The following LRP2 variants were observed in gnomAD, a reference collection of about 807,000 sequenced individuals.
LRP2 encodes the protein low-density lipoprotein receptor-related protein 2.
In LRP2, 172 loss-of-function variants were observed where a neutral mutation model predicts 531.0. That is an observed-to-expected ratio of 0.32 (90% CI 0.29 to 0.37). LRP2 has a LOEUF of 0.37. LRP2 is among the 10% of genes least tolerant of loss of function. LRP2 has a pLI of 1.00. For missense variants in LRP2, 5,167 were observed against 5,868.3 expected, an observed-to-expected ratio of 0.88 and a Z score of 3.90; for synonymous variants, 1,992 against 2,027.6, an observed-to-expected ratio of 0.98 and a Z score of 0.47.
At chr2:169,182,421 G>A in intron 50 of LRP2, 102 bp from the exon 51 acceptor site, 3 of 1,591,480 alleles carry the variant, frequency 1.9e-6, no homozygotes, top group Non-Finnish European at 2.6e-6. Flanking sequence ...ATCACAGACA[G>A]TTGTTAGAAG....
intron 1 of LRP2, among the ~76,000 whole-genome samples, chr2:169,339,690 T>C (rs929744953): frequency 1.3e-5 from 2 of 152,242 alleles, no homozygotes; most frequent in South Asian, 4.1e-4. Context: ...ATAGAATTAC[T>C]AACCCCTGTT....
chr2:169,211,853 A>C, intron 37 of LRP2, 115 bp downstream of exon 37: 1 of 1,398,828 alleles, frequency 7.1e-7, no homozygotes, highest in Non-Finnish European at 1.0e-6. Context: ...TTTAAAGGGA[A>C]AGGAAAGCTT....
chr2:169,346,616 G>A (rs1156690256), intron 1 of LRP2, among the ~76,000 whole-genome samples: 2 of 152,126 alleles, frequency 1.3e-5, no homozygotes, highest in African/African-American at 4.8e-5. Context: ...AGGCAGGAGG[G>A]TTACTTGAGC....
In LRP2 at chr2:169,198,846, A is replaced by T; in HGVS notation, c.8518T>A (p.Tyr2840Asn). 6.2e-7 allele frequency: 1 copy of T among 1,614,058 alleles called. No individual in the cohort carries two copies. The highest frequency in any genetic ancestry group is 8.5e-7 in the Non-Finnish European group (1 of 1,179,926). ...HNSNICIPRV[Y>N]LCDGDNDCGD... ...CAGTCATTGTCTCCGTCACACAAAT[A>T]AACGCGAGGAATACAAATATTTGAA... Residue 2840 changes from tyrosine to asparagine, a missense_variant, in exon 45 of 79, where the codon TAT becomes AAT. By Grantham distance (143) the Tyr-to-Asn change is moderately radical. Coordinates refer to ENST00000649046, the MANE Select transcript of LRP2 (RefSeq NM_004525.3).
In LRP2 at chr2:169,289,078, A is replaced by G. The variant is rs760269629; in HGVS notation, c.990T>C (p.Cys330=). 2 of 1,614,076 alleles carry G rather than the reference A, an allele frequency of 1.2e-6. No homozygotes were observed. The highest frequency in any genetic ancestry group is 1.7e-6 in the Non-Finnish European group (2 of 1,179,990). The part of the protein sequence containing the change: ...QCHETPYGGA[C]FCPPGYIINH... Reference sequence around the variant, plus strand: ...TGATGATATAACCTGGGGGACAAAAACACGCTCCTCCATACGGCGTCTCAT... The same window carrying G: ...TGATGATATAACCTGGGGGACAAAAGCACGCTCCTCCATACGGCGTCTCAT... The change falls in exon 9 of 79, where the codon TGT becomes TGC. Residue 330 remains cysteine, a synonymous_variant. Transcript: ENST00000649046.
intron 10 of LRP2, among the ~76,000 whole-genome samples, chr2:169,282,351 A>G (rs1243056939): frequency 6.6e-6 from 1 of 152,106 alleles, no homozygotes; most frequent in Non-Finnish European, 1.5e-5. Context: ...TTTCTCTACT[A>G]CTCTGTACTA....
chr2:169,164,877 T>A (rs139794258), intron 62 of LRP2, among the ~76,000 whole-genome samples: 59 of 152,296 alleles, frequency 3.9e-4, no homozygotes, highest in African/African-American at 1.3e-3. Flanking sequence ...AAAAATGGCA[T>A]TTTTAGCAGG....
intron 16 of LRP2, among the ~76,000 whole-genome samples, chr2:169,269,366 A>G (rs1328088257): frequency 1.3e-5 from 2 of 152,228 alleles, no homozygotes; most frequent in East Asian, 3.8e-4. Flanking sequence ...CTACAAGGCT[A>G]CAGTAACCAA....
At chr2:169,298,104 A>T (rs1684179508) in intron 4 of LRP2, among the ~76,000 whole-genome samples, 1 of 152,032 alleles carries the variant, frequency 6.6e-6, no homozygotes, top group African/African-American at 2.4e-5. Flanking sequence ...AGACAGATTA[A>T]TCCAGTCAAT....
chr2:169,224,860 C>A (rs1454952329), intron 33 of LRP2, among the ~76,000 whole-genome samples: 1 of 152,088 alleles, frequency 6.6e-6, no homozygotes, highest in Non-Finnish European at 1.5e-5. Context: ...GAGGTCAAGG[C>A]GGGTGGATCA....
At chr2:169,316,967 G>A (rs1046503850) in intron 3 of LRP2, among the ~76,000 whole-genome samples, 2 of 152,118 alleles carry the variant, frequency 1.3e-5, no homozygotes, top group African/African-American at 4.8e-5. Flanking sequence ...TGCCCATCCA[G>A]TGTGAGAAGG....
In LRP2 at chr2:169,352,170, T is replaced by C. The variant is rs528540920; in HGVS notation, c.79+10151A>G. Among the ~76,000 whole-genome samples the C allele has an allele frequency of 6.6e-4, 101 of 152,276 alleles. 2 individuals are homozygous for C. Among genetic ancestry groups the C allele is most frequent in the Admixed American group, 2.6e-4 (4 of 15,282 alleles). ...AAAAGATTAGAAGACCTGCAACAGT[T>C]ATTTACCTCAATGAATCCAACGTTC... is the stretch of plus-strand genomic sequence containing the variant. On this transcript the variant is annotated intron_variant, in intron 1 of 78. Coordinates refer to ENST00000649046, the MANE Select transcript of LRP2 (RefSeq NM_004525.3).
Position 169,212,191 on chromosome 2 carries a change from T to G in LRP2, c.6057A>C (p.Ser2019=). ...CATTCATGTTGTTGCTACAGCCATT[T>G]GAGGATTCGGCGGCATCTAAATGAA... ...VYHRRNAAES[S]NGCSNNMNAC... The change falls in exon 37 of 79, where the codon TCA becomes TCC. Residue 2019 remains serine, a synonymous_variant. Coordinates refer to ENST00000649046, the MANE Select transcript of LRP2 (RefSeq NM_004525.3). The G allele has an allele frequency of 6.2e-7, 1 of 1,614,084 alleles. No homozygotes were observed. The highest frequency in any genetic ancestry group is 8.5e-7 in the Non-Finnish European group (1 of 1,179,938).
At chr2:169,152,733 G>T in intron 67 of LRP2, 66 bp downstream of exon 67, 3 of 1,562,604 alleles carry the variant, frequency 1.9e-6, no homozygotes, top group South Asian at 1.1e-5. Context: ...ATGGCCCATG[G>T]AGTGCAGTAG....
At chr2:169,181,352 G>C in intron 52 of LRP2, 96 bp downstream of exon 52, 1 of 1,259,506 alleles carries the variant, frequency 7.9e-7, no homozygotes, top group East Asian at 2.3e-5. Context: ...AGACAGGCCA[G>C]TTAGACAATA....
chr2:169,263,482 A>G (rs1238546827), intron 16 of LRP2, among the ~76,000 whole-genome samples: 4 of 151,178 alleles, frequency 2.6e-5, no homozygotes, highest in African/African-American at 7.3e-5. Flanking sequence ...GCAGCCAAAA[A>G]ACACATGAAA....
chr2:169,175,513 G>A (rs1251814423), intron 54 of LRP2, 124 bp from the exon 55 acceptor site: 4 of 829,606 alleles, frequency 4.8e-6, no homozygotes, highest in African/African-American at 1.7e-5. Context: ...CCCTAGAAGA[G>A]GATCAATTAA....
At chr2:169,241,431 C>T in intron 24 of LRP2, 66 bp from the exon 25 acceptor site, 2 of 1,570,362 alleles carry the variant, frequency 1.3e-6, no homozygotes, top group East Asian at 2.2e-5. Flanking sequence ...ATAGTCTAGA[C>T]TCAGAGGAAA....
At position 169,320,649 on chromosome 2, in the gene LRP2, C is replaced by G; in HGVS notation, c.187+128G>C. 4 of 771,190 alleles carry G rather than the reference C, an allele frequency of 5.2e-6. No individual in the cohort carries two copies. The South Asian group carries it at 5.8e-5, about 11-fold the overall frequency. The allele number at this position is 771,190 out of a possible 1,614,324, so 47.8% of individuals were successfully genotyped here. On this transcript the variant is annotated intron_variant, in intron 2 of 78. Coordinates refer to ENST00000649046, the MANE Select transcript of LRP2 (RefSeq NM_004525.3). ...GTTCTCTATTCAACCACACAGATCTCAAAAGACTTGGGCCCAGACCTGGCT... is the reference window on the plus strand; with the variant it reads ...GTTCTCTATTCAACCACACAGATCTGAAAAGACTTGGGCCCAGACCTGGCT...
Sources: allele counts gnomAD v4.1 joint callset (sites outside exome capture counted in the v4.1 genomes callset), GRCh38; gene constraint gnomAD v4.1.1; transcripts MANE v1.5; gene names NCBI Gene and HGNC (gene_info 2026-07-23, HGNC 2026-07-21).